Variants in ROBO1 observed in about 807,000 individuals in gnomAD.
ROBO1 encodes the protein roundabout homolog 1.
A neutral mutation model predicts 195.9 loss-of-function variants in ROBO1; 149 were observed. The observed-to-expected ratio is 0.76, with a 90% CI of 0.67 to 0.87. The LOEUF (loss-of-function observed/expected upper bound fraction) is 0.87, where lower values mean the gene tolerates loss of function less well. Ranked by LOEUF, ROBO1 falls within the 40% of genes least tolerant of loss-of-function variation. The probability of loss-of-function intolerance (pLI) is 0.00; values close to 1 mark genes in which losing one functional copy is unlikely to be tolerated. For synonymous variants in ROBO1, 816 were observed against 733.2 expected, an observed-to-expected ratio of 1.11 and a Z score of -1.82; for missense variants, 1,933 against 2,068.3, an observed-to-expected ratio of 0.93 and a Z score of 1.27.
At chr3:78,677,871 A>AT (rs1201232530) in intron 10 of ROBO1, among the ~76,000 whole-genome samples, 1 of 150,870 alleles carries the variant, frequency 6.6e-6, no homozygotes, top group Non-Finnish European at 1.5e-5. Flanking sequence ...CAGAATATAC[A>AT]TTTTTTTCAG....
intron 14 of ROBO1, among the ~76,000 whole-genome samples, chr3:78,667,398 CTTTG>C (rs1470252717): frequency 2.0e-5 from 3 of 151,962 alleles, no homozygotes; most frequent in Non-Finnish European, 2.9e-5. Flanking sequence ...ATCATTTATC[CTTTG>C]TTTGTGTTAC....
Position 78,871,498 on chromosome 3 carries a change from T to TTG in ROBO1, c.499+67101_499+67102dup, listed in dbSNP as rs2035541237. On this transcript the variant is annotated intron_variant, in intron 4 of 30. Transcript: ENST00000464233. ...CAGTTGATTTTGCTACAAGATGATG[T>TTG]TGTGTGTGTGTGTTTTCATTCACAG... Among the ~76,000 whole-genome samples, 4 of 152,126 alleles carry TTG rather than the reference T, an allele frequency of 2.6e-5. No homozygotes were observed. In the South Asian group the frequency reaches 8.3e-4, roughly 32 times the overall value.
intron 1 of ROBO1, among the ~76,000 whole-genome samples, chr3:79,764,306 A>G (rs1255392325): frequency 6.6e-6 from 1 of 152,244 alleles, no homozygotes; most frequent in African/African-American, 2.4e-5. Flanking sequence ...ATACATTAAC[A>G]GTAACATTGC....
chr3:78,989,465 T>A (rs1416729968), intron 3 of ROBO1, among the ~76,000 whole-genome samples: 1 of 151,876 alleles, frequency 6.6e-6, no homozygotes, highest in Non-Finnish European at 1.5e-5. Flanking sequence ...AATACAAAAA[T>A]TAGCTGGGCA....
intron 3 of ROBO1, among the ~76,000 whole-genome samples, chr3:79,078,576 A>G (rs999451317): frequency 1.3e-5 from 2 of 151,832 alleles, no homozygotes; most frequent in Non-Finnish European, 3.0e-5. Context: ...TTTCCAAGCC[A>G]TAATAGTTCT....
chr3:79,003,672 T>C (rs2108152136), intron 3 of ROBO1, among the ~76,000 whole-genome samples: 1 of 152,258 alleles, frequency 6.6e-6, no homozygotes, highest in African/African-American at 2.4e-5. Flanking sequence ...AAAATTTCTA[T>C]TGACATAATC....
chr3:79,308,908 AT>A (rs1212651337), intron 2 of ROBO1, among the ~76,000 whole-genome samples: 1 of 152,208 alleles, frequency 6.6e-6, no homozygotes, highest in Non-Finnish European at 1.5e-5. Flanking sequence ...ATTGAACAAT[AT>A]TCAAAGTTAT....
chr3:79,678,432 C>T (rs1220700952), intron 1 of ROBO1, among the ~76,000 whole-genome samples: 3 of 151,876 alleles, frequency 2.0e-5, no homozygotes. Flanking sequence ...ACTTTCTTAT[C>T]TTTTCAAATA....
chr3:79,039,839 A>G (rs916198614), intron 3 of ROBO1, among the ~76,000 whole-genome samples: 1 of 141,504 alleles, frequency 7.1e-6, no homozygotes, highest in Non-Finnish European at 1.5e-5. Context: ...TATTAAGGAC[A>G]ATGTGATCTT....
chr3:79,447,954 C>T (rs994605555), intron 2 of ROBO1, among the ~76,000 whole-genome samples: 2 of 152,178 alleles, frequency 1.3e-5, no homozygotes, highest in Admixed American at 6.5e-5. Flanking sequence ...ACTGCTCCCA[C>T]TACCTACTAT....
chr3:79,409,930 G>T (rs904822910), intron 2 of ROBO1, among the ~76,000 whole-genome samples: 8 of 151,866 alleles, frequency 5.3e-5, no homozygotes, highest in African/African-American at 1.9e-4. Flanking sequence ...AGCATTATTT[G>T]CACATATATA....
intron 1 of ROBO1, among the ~76,000 whole-genome samples, chr3:79,628,116 C>T (rs1354215875): frequency 6.6e-6 from 1 of 152,110 alleles, no homozygotes; most frequent in African/African-American, 2.4e-5. Context: ...CCATTTGACC[C>T]AGCAATCCCA....
At chr3:79,241,237 A>G (rs1350000886) in intron 2 of ROBO1, among the ~76,000 whole-genome samples, 2 of 152,144 alleles carry the variant, frequency 1.3e-5, no homozygotes, top group African/African-American at 4.8e-5. Flanking sequence ...ATAGCTGCAT[A>G]AAAGGAGTGT....
chr3:79,752,002 G>A (rs905828281), intron 1 of ROBO1, among the ~76,000 whole-genome samples: 1 of 152,066 alleles, frequency 6.6e-6, no homozygotes, highest in Non-Finnish European at 1.5e-5. Flanking sequence ...CATATGCATA[G>A]CAGCTACAAA....
intron 3 of ROBO1, among the ~76,000 whole-genome samples, chr3:78,971,019 T>C (rs1427096184): frequency 6.6e-6 from 1 of 151,750 alleles, no homozygotes. Flanking sequence ...AGAATACACA[T>C]ATGACAGTGT....
At chr3:79,602,440 T>A (rs1214457867) in intron 1 of ROBO1, among the ~76,000 whole-genome samples, 1 of 152,002 alleles carries the variant, frequency 6.6e-6, no homozygotes, top group Non-Finnish European at 1.5e-5. Context: ...TCTTACTCCT[T>A]TGAATGTCCT....
At chr3:79,120,361 T>C (rs2080094025) in intron 3 of ROBO1, among the ~76,000 whole-genome samples, 1 of 152,092 alleles carries the variant, frequency 6.6e-6, no homozygotes. Context: ...TAAATAGTTC[T>C]CCAGGTTGAA....
intron 8 of ROBO1, among the ~76,000 whole-genome samples, chr3:78,709,169 C>T (rs1017190918): frequency 6.6e-6 from 1 of 152,114 alleles, no homozygotes; most frequent in African/African-American, 2.4e-5. Flanking sequence ...TTCAGGTTTA[C>T]TGAATTTTCT....
At chr3:79,581,191 C>T (rs1319104847) in intron 2 of ROBO1, among the ~76,000 whole-genome samples, 1 of 152,062 alleles carries the variant, frequency 6.6e-6, no homozygotes, top group Non-Finnish European at 1.5e-5. Flanking sequence ...GGCACAATTA[C>T]AACAGCTGTA....
Sources: gnomAD v4.1 joint callset for allele counts (sites outside exome capture counted in the v4.1 genomes callset) on GRCh38, gnomAD v4.1.1 for gene constraint, MANE v1.5 for transcripts, NCBI Gene and HGNC (gene_info 2026-07-23, HGNC 2026-07-21) for gene names.